The following ZMAT2 variants were observed in gnomAD, a reference collection of about 807,000 sequenced individuals.
ZMAT2 encodes the protein zinc finger matrin-type 2.
In ZMAT2, 5 loss-of-function variants were observed where a neutral mutation model predicts 27.5. The observed-to-expected ratio is 0.18, with a 90% CI of 0.10 to 0.38. The LOEUF is 0.38. Ranked by LOEUF, ZMAT2 falls within the 10% of genes least tolerant of loss-of-function variation. The pLI is 1.00. For missense variants in ZMAT2, 124 were observed against 243.9 expected (o/e 0.51, Z 3.27); for synonymous variants, 76 against 78.6 (o/e 0.97, Z 0.17).
chr5:140,705,113 A>G (rs1437260651), intron 5 of ZMAT2, among the ~76,000 whole-genome samples: 1 of 152,208 alleles, frequency 6.6e-6, no homozygotes, highest in Non-Finnish European at 1.5e-5. Context: ...TTTCAAATGC[A>G]TGTCAGTTTT....
intron 1 of ZMAT2, 33 bp from the exon 2 acceptor site, chr5:140,700,786 G>T (rs751152883): frequency 1.6e-5 from 26 of 1,610,830 alleles, no homozygotes. Flanking sequence ...CCCAGACACG[G>T]CGACGGATCT....
intron 3 of ZMAT2, among the ~76,000 whole-genome samples, chr5:140,702,839 C>G (rs1484202597): frequency 3.3e-5 from 5 of 152,180 alleles, no homozygotes; most frequent in Non-Finnish European, 7.4e-5. Flanking sequence ...CTTTTGCCCC[C>G]CACTGCTTCT....
rs144679478 is a variant in ZMAT2 at position 140,702,854 on chromosome 5, C to G, written c.236+725C>G. Among the ~76,000 whole-genome samples, 381 of 152,308 alleles carry G rather than the reference C, an allele frequency of 2.5e-3. 2 individuals carry two copies. Among genetic ancestry groups the G allele is most frequent in the African/African-American group, 8.8e-3 (367 of 41,564 alleles). On this transcript the variant is annotated intron_variant, in intron 3 of 5. Coordinates refer to ENST00000274712, the MANE Select transcript of ZMAT2 (RefSeq NM_144723.3). The stretch of plus-strand genomic sequence containing the variant: ...CTTTTGCCCCCCACTGCTTCTCTGT[C>G]CAGTTAGGTTTTCTGGCAGGAGAGC...
chr5:140,704,160 T>A (rs768671778), intron 4 of ZMAT2, among the ~76,000 whole-genome samples, 169 bp downstream of exon 4: 2 of 152,094 alleles, frequency 1.3e-5, no homozygotes, highest in African/African-American at 4.8e-5. Flanking sequence ...AACTCTCCAG[T>A]TGTTTCAGCA....
At chr5:140,703,820 T>A in intron 3 of ZMAT2, 98 bp from the exon 4 acceptor site, 1 of 1,138,104 alleles carries the variant, frequency 8.8e-7, no homozygotes, top group Non-Finnish European at 1.3e-6. Context: ...GGCTTAACAC[T>A]TCTAAAAAGA....
rs1321072395 is a variant in ZMAT2 at position 140,704,604 on chromosome 5, G to C, written c.456+33G>C. On this transcript the variant is annotated intron_variant, in intron 5 of 5. Transcript: ENST00000274712. The stretch of plus-strand genomic sequence containing the variant: ...TCTCCTATCCTTCCCCTCTCCCCCA[G>C]ATTTGAGTTTTATGTTATGAATCAT... 10 of 1,607,486 alleles carry C rather than the reference G, an allele frequency of 6.2e-6. No homozygotes were observed. The Admixed American group carries it at 6.8e-5, about 11-fold the overall frequency.
chr5:140,701,023 A>C, intron 2 of ZMAT2, 111 bp downstream of exon 2: 2 of 1,034,584 alleles, frequency 1.9e-6, no homozygotes, highest in East Asian at 5.3e-5. Flanking sequence ...GCTCTGGCAG[A>C]GTGCTGCTTC....
chr5:140,704,318 T>G, intron 4 of ZMAT2, 108 bp from the exon 5 acceptor site: 2 of 1,433,462 alleles, frequency 1.4e-6, no homozygotes, highest in Non-Finnish European at 1.9e-6. Context: ...TAGCCATAAT[T>G]ATTTTTGCTG....
intron 3 of ZMAT2, among the ~76,000 whole-genome samples, chr5:140,703,273 CTCT>C (rs1759997675): frequency 6.8e-6 from 1 of 147,040 alleles, no homozygotes; most frequent in African/African-American, 2.5e-5. Flanking sequence ...CAGAGTTTCA[CTCT>C]TCTTGCCCAG....
rs1329619388 is a variant in ZMAT2 at position 140,700,923 on chromosome 5, A to G, written c.112+11A>G. On this transcript the variant is annotated intron_variant, in intron 2 of 5. Coordinates refer to ENST00000274712, the MANE Select transcript of ZMAT2 (RefSeq NM_144723.3). ...GAGAAAAGAAAGATGGTGGGTGCTA[A>G]CTACATCAAGGGCTAAGGGTATCAC... The G allele has an allele frequency of 6.2e-7, 1 of 1,613,692 alleles. No individual in the cohort carries two copies. The highest frequency in any genetic ancestry group is 1.1e-5 in the South Asian group (1 of 91,062).
chr5:140,703,343 C>T (rs574677314), intron 3 of ZMAT2, among the ~76,000 whole-genome samples: 6 of 151,286 alleles, frequency 4.0e-5, no homozygotes, highest in Non-Finnish European at 7.4e-5. Context: ...TGGGTTCAAG[C>T]GATTCTCCTG....
chr5:140,704,117 T>G, intron 4 of ZMAT2, 126 bp downstream of exon 4: 1 of 899,298 alleles, frequency 1.1e-6, no homozygotes, highest in South Asian at 1.6e-5. Context: ...GAAGGGTAGT[T>G]TCTACTGGGC....
Position 140,702,704 on chromosome 5 carries a change from T to C in ZMAT2, c.236+575T>C, listed in dbSNP as rs1759983811. Among the ~76,000 whole-genome samples the C allele has an allele frequency of 2.0e-5, 3 of 152,262 alleles. No homozygotes were observed. In the South Asian group the frequency reaches 6.2e-4, roughly 32 times the overall value. ...AATAGAGCCTAGGAGTTGTTAATGG[T>C]GAAGAAGAGGGGTTTGAGGTTCCAG... On this transcript the variant is annotated intron_variant, in intron 3 of 5. Transcript: ENST00000274712.
intron 1 of ZMAT2, 127 bp from the exon 2 acceptor site, chr5:140,700,692 T>C (rs1294401383): frequency 4.9e-5 from 63 of 1,295,360 alleles, no homozygotes; most frequent in Non-Finnish European, 6.6e-5. Flanking sequence ...CTCAGTCTTC[T>C]CGTACAGTCC....
intron 1 of ZMAT2, 126 bp from the exon 2 acceptor site, chr5:140,700,693 C>A: frequency 7.7e-7 from 1 of 1,292,236 alleles, no homozygotes; most frequent in South Asian, 1.4e-5. Flanking sequence ...TCAGTCTTCT[C>A]GTACAGTCCA....
At chr5:140,701,948 TC>T in intron 2 of ZMAT2, 57 bp from the exon 3 acceptor site, 2 of 1,544,580 alleles carry the variant, frequency 1.3e-6, no homozygotes, top group Non-Finnish European at 1.7e-6. Flanking sequence ...GCATTTTTTT[TC>T]CTTTCTGGTT....
At chr5:140,702,484 A>G (rs557238358) in intron 3 of ZMAT2, among the ~76,000 whole-genome samples, 3 of 152,230 alleles carry the variant, frequency 2.0e-5, no homozygotes, top group Non-Finnish European at 2.9e-5. Flanking sequence ...AAAAAAACCA[A>G]AACAAACAAA....
In ZMAT2 at chr5:140,705,607, C is replaced by T. The variant is rs945127426; in HGVS notation, c.457-6C>T. 2 of 1,608,074 alleles carry T rather than the reference C, an allele frequency of 1.2e-6. No individual in the cohort carries two copies. Among genetic ancestry groups the T allele is most frequent in the African/African-American group, 2.7e-5 (2 of 74,634 alleles). ...TAAACTGATTCTGAGTGATTTTTCC[C>T]TCCAGGAGGAAAAGGCCAAAGCGTA... is the stretch of plus-strand genomic sequence containing the variant. On this transcript the variant is annotated splice_polypyrimidine_tract_variant and splice_region_variant and intron_variant, in intron 5 of 5. Coordinates refer to ENST00000274712, the MANE Select transcript of ZMAT2 (RefSeq NM_144723.3).
In ZMAT2 at chr5:140,705,740, C is replaced by T; in HGVS notation, c.584C>T (p.Thr195Ile). Residue 195 changes from threonine to isoleucine, a missense_variant, in exon 6 of 6, where the codon ACC (threonine) becomes ATC (isoleucine). Physicochemically the swap from Thr to Ile is moderately conservative, Grantham distance 89 (BLOSUM62 -1). Coordinates refer to ENST00000274712, the MANE Select transcript of ZMAT2 (RefSeq NM_144723.3). ...ATGGGCTTCTCTGGCTTTGGTTCCA[C>T]CAAGAAGAGTTACTGAGGCTTTCTG... The part of the protein sequence containing the change: ...AVMGFSGFGS[T>I]KKSY The T allele has an allele frequency of 1.9e-6, 3 of 1,613,850 alleles. No homozygotes were observed. The highest frequency in any genetic ancestry group is 1.3e-5 in the African/African-American group (1 of 74,994).
Sources: gnomAD v4.1 joint callset for allele counts (sites outside exome capture counted in the v4.1 genomes callset) on GRCh38, gnomAD v4.1.1 for gene constraint, MANE v1.5 for transcripts, NCBI Gene and HGNC (gene_info 2026-07-23, HGNC 2026-07-21) for gene names.